SLC30A4: variants seen among roughly 807,000 people sequenced by gnomAD.
The protein encoded by SLC30A4 is probable proton-coupled zinc antiporter SLC30A4.
In SLC30A4, 20 loss-of-function variants were observed where a neutral mutation model predicts 41.7. That is an observed-to-expected ratio of 0.48 (90% CI 0.34 to 0.70). The LOEUF (loss-of-function observed/expected upper bound fraction) is 0.70. SLC30A4 is among the 30% of genes least tolerant of loss of function. The pLI is 0.01. For synonymous variants in SLC30A4, 181 were observed against 195.9 expected (o/e 0.92, Z 0.64); for missense variants, 441 against 529.3 (o/e 0.83, Z 1.64).
intron 3 of SLC30A4, among the ~76,000 whole-genome samples, chr15:45,501,840 C>T (rs892670375): frequency 5.3e-5 from 8 of 152,054 alleles, no homozygotes; most frequent in African/African-American, 1.9e-4. Context: ...TTTAATATTA[C>T]CTGTTCCTGT....
Position 45,485,337 on chromosome 15 carries a change from T to A in SLC30A4, c.1136-20A>T. ...CAGGAACTGCAATGTCAAGAAAATA[T>A]CATTACTATCCATTGTACAGTTACA... On this transcript the variant is annotated intron_variant, in intron 7 of 7. Coordinates refer to ENST00000261867, the MANE Select transcript of SLC30A4 (RefSeq NM_013309.6). The A allele has an allele frequency of 1.3e-6, 2 of 1,563,108 alleles. No individual in the cohort carries two copies. The highest frequency in any genetic ancestry group is 1.4e-5 in the African/African-American group (1 of 73,890).
intron 3 of SLC30A4, chr15:45,502,009 T>TA (rs1319658485): frequency 6.6e-6 from 1 of 152,060 alleles, no homozygotes; most frequent in Non-Finnish European, 1.5e-5. Context: ...ATCCTTTTTT[T>TA]AAAAAATCCA....
At chr15:45,517,970 C>CA (rs565322782) in intron 2 of SLC30A4, among the ~76,000 whole-genome samples, 8 of 151,742 alleles carry the variant, frequency 5.3e-5, no homozygotes, top group Non-Finnish European at 7.4e-5. Flanking sequence ...AAAACAAAAA[C>CA]AAAAAAAACC....
rs1346205186 is a variant in SLC30A4 at position 45,481,067 on chromosome 15, G to T, written c.*4096C>A. Reference sequence around the variant, plus strand: ...TCTGATCTTGACTATGTCTATTCTGGAAAGTCTATGAAAGACAAACACTGT... The same window carrying T: ...TCTGATCTTGACTATGTCTATTCTGTAAAGTCTATGAAAGACAAACACTGT... On this transcript the variant is annotated 3_prime_UTR_variant, in exon 8 of 8. Coordinates refer to ENST00000261867, the MANE Select transcript of SLC30A4 (RefSeq NM_013309.6). 1 of 152,204 alleles carries T rather than the reference G, an allele frequency of 6.6e-6. No homozygotes were observed. The highest frequency in any genetic ancestry group is 1.5e-5 in the Non-Finnish European group (1 of 68,038). The allele number at this position is 152,204 out of a possible 1,614,324, so 9.4% of individuals were successfully genotyped here.
At position 45,488,940 on chromosome 15, in the gene SLC30A4, C is replaced by T. The variant is rs775687737; in HGVS notation, c.795G>A (p.Gly265=). The T allele has an allele frequency of 1.4e-5, 22 of 1,614,100 alleles. 1 individual carries two copies. In the South Asian group the frequency reaches 2.4e-4, roughly 18 times the overall value. Reference sequence around the variant, plus strand: ...CAGCTCTCACTGCCAGGCTATCCTGCCCATGGTTACGTTCACACCCAGAAC... The same window carrying T: ...CAGCTCTCACTGCCAGGCTATCCTGTCCATGGTTACGTTCACACCCAGAAC... ...TRGSGCERNH[G]QDSLAVRAAF... The change falls in exon 5 of 8, where the codon GGG becomes GGA. Residue 265 remains glycine, a synonymous_variant. Coordinates refer to ENST00000261867, the MANE Select transcript of SLC30A4 (RefSeq NM_013309.6).
chr15:45,522,229 C>G lies in SLC30A4; in HGVS notation c.126G>C (p.Arg42=), dbSNP rs923849903. 1.2e-5 allele frequency: 19 copies of G among 1,614,122 alleles called. No individual in the cohort carries two copies. The highest frequency in any genetic ancestry group is 1.4e-5 in the Non-Finnish European group (17 of 1,180,056). ...SDEAGDEGLS[R]FNKLRVVVAD... ...CCACCACAACTCGAAGTTTGTTGAACCGAGAAAGCCCCTCGTCCCCCGCCT... is the reference window on the plus strand; with the variant it reads ...CCACCACAACTCGAAGTTTGTTGAAGCGAGAAAGCCCCTCGTCCCCCGCCT... The change falls in exon 2 of 8, where the codon CGG becomes CGC. Residue 42 remains arginine (R), a synonymous_variant. Transcript: ENST00000261867.
At chr15:45,493,064 G>A (rs1368437415) in intron 3 of SLC30A4, among the ~76,000 whole-genome samples, 2 of 152,188 alleles carry the variant, frequency 1.3e-5, no homozygotes, top group Non-Finnish European at 2.9e-5. Flanking sequence ...CTGAGGTCAG[G>A]ATTTCAAGAC....
chr15:45,515,575 C>T (rs1892445836), intron 2 of SLC30A4, among the ~76,000 whole-genome samples: 1 of 151,862 alleles, frequency 6.6e-6, no homozygotes, highest in African/African-American at 2.4e-5. Flanking sequence ...ATGGCATGAA[C>T]CTGGGAGGTG....
intron 3 of SLC30A4, among the ~76,000 whole-genome samples, chr15:45,498,549 G>T (rs1248400107): frequency 1.3e-5 from 2 of 151,928 alleles, no homozygotes; most frequent in African/African-American, 4.8e-5. Flanking sequence ...TTTGTCTTTC[G>T]ATCTCCCCTT....
intron 2 of SLC30A4, chr15:45,512,344 G>A (rs1892322438): frequency 1.3e-5 from 2 of 152,180 alleles, no homozygotes; most frequent in South Asian, 4.1e-4. Context: ...GATGGGACCT[G>A]AGAATGTATA....
rs1891577265 is a variant in SLC30A4, at chr15:45,479,608, CAGA to C, written c.*5552_*5554del. On this transcript the variant is annotated 3_prime_UTR_variant, in exon 8 of 8. Coordinates refer to ENST00000261867, the MANE Select transcript of SLC30A4 (RefSeq NM_013309.6). Reference sequence around the variant, plus strand: ...TTTTAATTAATCTTTCCATACTATCCAGAAGATTTTTTTCAGTTTTATTTCTTA... The same window carrying C: ...TTTTAATTAATCTTTCCATACTATCCAGATTTTTTTCAGTTTTATTTCTTA... The C allele has an allele frequency of 6.6e-6, 1 of 151,998 alleles. No individual in the cohort carries two copies. Among genetic ancestry groups the C allele is most frequent in the Non-Finnish European group, 1.5e-5 (1 of 68,010 alleles). The allele number at this position is 151,998 out of a possible 1,614,324, so 9.4% of individuals were successfully genotyped here. A position where few individuals can be genotyped will look rare whatever the true frequency, so the allele number is the denominator to read the frequency against.
At chr15:45,502,195 G>C (rs1431360844) in intron 3 of SLC30A4, 1 of 149,446 alleles carries the variant, frequency 6.7e-6, no homozygotes, top group African/African-American at 2.5e-5. Context: ...TCCACCTCCC[G>C]GGTTCAAGCG....
intron 3 of SLC30A4, among the ~76,000 whole-genome samples, chr15:45,492,602 G>A (rs1891831029): frequency 6.6e-6 from 1 of 151,944 alleles, no homozygotes; most frequent in African/African-American, 2.4e-5. Context: ...TGATTAGTAG[G>A]GACCTTGTAA....
chr15:45,491,260 A>G (rs1891804435), intron 3 of SLC30A4, among the ~76,000 whole-genome samples: 1 of 152,148 alleles, frequency 6.6e-6, no homozygotes, highest in Non-Finnish European at 1.5e-5. Flanking sequence ...ACTGATATGG[A>G]TCCTCCACTA....
intron 5 of SLC30A4, among the ~76,000 whole-genome samples, chr15:45,488,195 G>A (rs190082290): frequency 2.6e-5 from 4 of 152,254 alleles, no homozygotes; most frequent in East Asian, 1.9e-4. Context: ...TAATGGCAGA[G>A]CCAAGACTAG....
At chr15:45,500,382 G>C (rs929360628) in intron 3 of SLC30A4, among the ~76,000 whole-genome samples, 6 of 152,152 alleles carry the variant, frequency 3.9e-5, no homozygotes, top group Non-Finnish European at 8.8e-5. Flanking sequence ...TAGTTCAAGA[G>C]AGTAACTTAC....
chr15:45,510,772 A>G (rs1239425666), intron 3 of SLC30A4, among the ~76,000 whole-genome samples: 2 of 152,246 alleles, frequency 1.3e-5, no homozygotes, highest in Non-Finnish European at 2.9e-5. Flanking sequence ...AATCTAAGCT[A>G]TGGTAGCTTT....
intron 2 of SLC30A4, among the ~76,000 whole-genome samples, chr15:45,514,991 C>T (rs1892422799): frequency 6.6e-6 from 1 of 151,574 alleles, no homozygotes; most frequent in Non-Finnish European, 1.5e-5. Flanking sequence ...GCAATCCTTC[C>T]ACCTCAGCCT....
intron 3 of SLC30A4, among the ~76,000 whole-genome samples, chr15:45,496,857 A>ATAAC (rs1891917085): frequency 6.7e-6 from 1 of 149,012 alleles, no homozygotes; most frequent in Admixed American, 6.7e-5. Context: ...AAATAAATAA[A>ATAAC]TAAATAAATA....
Sources: gnomAD v4.1 joint callset for allele counts (sites outside exome capture counted in the v4.1 genomes callset) on GRCh38, gnomAD v4.1.1 for gene constraint, MANE v1.5 for transcripts, NCBI Gene and HGNC (gene_info 2026-07-23, HGNC 2026-07-21) for gene names.